FAM135B: variants seen among roughly 807,000 people sequenced by gnomAD.
The protein encoded by FAM135B is protein FAM135B.
A neutral mutation model predicts 127.7 loss-of-function variants in FAM135B; 43 were observed. The ratio of observed to expected loss-of-function variants is 0.34; its 90% confidence interval spans 0.26 to 0.43. FAM135B has a LOEUF of 0.43. Among genes scored for constraint, FAM135B ranks in the 20% least tolerant of loss-of-function variants. FAM135B has a pLI of 1.00. For missense variants in FAM135B, 1,558 were observed against 1,725.6 expected, an observed-to-expected ratio of 0.90 and a Z score of 1.72; for synonymous variants, 670 against 665.1, an observed-to-expected ratio of 1.01 and a Z score of -0.11.
At chr8:138,410,718 C>T (rs61089670) in intron 1 of FAM135B, among the ~76,000 whole-genome samples, 1,590 of 152,270 alleles carry the variant, frequency 0.01, 28 homozygotes, top group African/African-American at 0.036. Flanking sequence ...CTGTGGAAAG[C>T]GGTTGGAGAT....
At chr8:138,228,642 G>A (rs55857067) in intron 7 of FAM135B, among the ~76,000 whole-genome samples, 2,837 of 152,238 alleles carry the variant, frequency 0.019, 40 homozygotes, top group Non-Finnish European at 0.03. Flanking sequence ...GGCTTACTGG[G>A]AGTGTATGTC....
At chr8:138,489,385 T>G (rs1815116384) in intron 1 of FAM135B, among the ~76,000 whole-genome samples, 1 of 152,202 alleles carries the variant, frequency 6.6e-6, no homozygotes, top group African/African-American at 2.4e-5. Flanking sequence ...ATTTCTCAAG[T>G]TGGTCCTCCT....
intron 13 of FAM135B, among the ~76,000 whole-genome samples, chr8:138,149,847 T>A (rs2130707283): frequency 6.6e-6 from 1 of 152,172 alleles, no homozygotes; most frequent in South Asian, 2.1e-4. Context: ...CTCATCTACT[T>A]CTCTCATGTG....
chr8:138,369,869 T>C (rs989795026), intron 1 of FAM135B, among the ~76,000 whole-genome samples: 5 of 152,202 alleles, frequency 3.3e-5, no homozygotes, highest in Admixed American at 6.5e-5. Context: ...GGTAAAACCA[T>C]GTGACTCCTT....
intron 4 of FAM135B, among the ~76,000 whole-genome samples, chr8:138,263,871 A>G (rs2130612359): frequency 6.6e-6 from 1 of 152,350 alleles, no homozygotes; most frequent in South Asian, 2.1e-4. Flanking sequence ...GGCACTCAGG[A>G]TGCAAAGAGA....
chr8:138,290,649 T>C (rs1448749458), intron 3 of FAM135B, among the ~76,000 whole-genome samples: 6 of 152,172 alleles, frequency 3.9e-5, no homozygotes, highest in Non-Finnish European at 4.4e-5. Flanking sequence ...TATTTTCTCA[T>C]TGTAGCAGTG....
At chr8:138,443,127 G>T (rs1371703488) in intron 1 of FAM135B, among the ~76,000 whole-genome samples, 2 of 152,022 alleles carry the variant, frequency 1.3e-5, no homozygotes, top group African/African-American at 2.4e-5. Context: ...GCAAAGGAGA[G>T]AAATAGCCCA....
chr8:138,259,493 G>A (rs1822378898), intron 4 of FAM135B, among the ~76,000 whole-genome samples: 1 of 152,056 alleles, frequency 6.6e-6, no homozygotes, highest in East Asian at 1.9e-4. Context: ...GTACACAAAG[G>A]GCTTTGTTCA....
intron 2 of FAM135B, among the ~76,000 whole-genome samples, chr8:138,357,489 G>T (rs1350772096): frequency 2.0e-5 from 3 of 152,130 alleles, no homozygotes; most frequent in African/African-American, 7.2e-5. Context: ...TGTGCCTAGT[G>T]AAAGAATATG....
rs188272861 is a variant in FAM135B, at chr8:138,437,857, G to A, written c.-20+58814C>T. The A allele has an allele frequency of 3.6e-4, 55 of 152,260 alleles. 1 individual carries two copies. Among genetic ancestry groups the A allele is most frequent in the African/African-American group, 1.2e-3 (49 of 41,554 alleles). 9.4% of individuals were successfully genotyped at this position (152,260 alleles called of 1,614,324 possible). A position where few individuals can be genotyped will look rare whatever the true frequency, so the allele number is the denominator to read the frequency against. The stretch of plus-strand genomic sequence containing the variant: ...TACTGCAGCCATTCAGTAAATAGTA[G>A]CACAAATATTCTTATTAAGAATACC... On this transcript the variant is annotated intron_variant, in intron 1 of 19. Transcript: ENST00000395297.
At chr8:138,158,657 A>G (rs1052827305) in intron 12 of FAM135B, among the ~76,000 whole-genome samples, 5 of 152,018 alleles carry the variant, frequency 3.3e-5, no homozygotes, top group African/African-American at 1.2e-4. Flanking sequence ...TTCTCAAAAG[A>G]AGACATTTAT....
intron 1 of FAM135B, among the ~76,000 whole-genome samples, chr8:138,375,419 C>G (rs1301360120): frequency 6.6e-6 from 1 of 151,910 alleles, no homozygotes. Flanking sequence ...GTATGTAGGT[C>G]AGGTTTTGGG....
At chr8:138,484,077 G>T (rs1814893998) in intron 1 of FAM135B, among the ~76,000 whole-genome samples, 1 of 152,162 alleles carries the variant, frequency 6.6e-6, no homozygotes, top group African/African-American at 2.4e-5. Flanking sequence ...CTGCTCATCT[G>T]AGCAAGCAGG....
At chr8:138,154,733 A>C (rs189130009) in intron 12 of FAM135B, among the ~76,000 whole-genome samples, 1 of 152,292 alleles carries the variant, frequency 6.6e-6, no homozygotes, top group East Asian at 1.9e-4. Context: ...GTGAAAAGAG[A>C]AGTTTAGAGA....
intron 7 of FAM135B, among the ~76,000 whole-genome samples, chr8:138,205,283 T>C (rs1361646597): frequency 6.6e-6 from 1 of 152,208 alleles, no homozygotes; most frequent in Non-Finnish European, 1.5e-5. Flanking sequence ...CAGGTCTCAA[T>C]GGCAAGAAAG....
intron 12 of FAM135B, among the ~76,000 whole-genome samples, chr8:138,164,602 C>T (rs1243919009): frequency 1.3e-5 from 2 of 152,214 alleles, no homozygotes; most frequent in African/African-American, 4.8e-5. Flanking sequence ...TTTGGAGAGG[C>T]TCATCAGAAA....
intron 1 of FAM135B, among the ~76,000 whole-genome samples, chr8:138,424,224 T>C (rs1002229559): frequency 5.9e-5 from 9 of 152,142 alleles, no homozygotes; most frequent in South Asian, 2.1e-4. Context: ...AGGGTATTGA[T>C]TGGGGAAGTG....
intron 1 of FAM135B, among the ~76,000 whole-genome samples, chr8:138,373,797 C>T (rs1831298193): frequency 1.3e-5 from 2 of 152,032 alleles, no homozygotes; most frequent in Admixed American, 1.3e-4. Context: ...GAAATAAGCC[C>T]CAGTCTCCCG....
intron 11 of FAM135B, 35 bp downstream of exon 11, chr8:138,177,312 T>C: frequency 6.3e-7 from 1 of 1,599,546 alleles, no homozygotes; most frequent in Non-Finnish European, 8.6e-7. Flanking sequence ...GGTGGCTGCT[T>C]TTAGGGATGA....
Sources: gnomAD v4.1 joint callset for allele counts (sites outside exome capture counted in the v4.1 genomes callset) on GRCh38, gnomAD v4.1.1 for gene constraint, MANE v1.5 for transcripts, NCBI Gene and HGNC (gene_info 2026-07-23, HGNC 2026-07-21) for gene names.